NXPE2: variants seen among roughly 807,000 people sequenced by gnomAD.
NXPE2 encodes NXPE family member 2.
NXPE2 carries 34 observed loss-of-function variants against 34.4 expected under a neutral mutation model. The ratio of observed to expected loss-of-function variants is 0.99; its 90% CI spans 0.75 to 1.31. The LOEUF is 1.31. Ranked by LOEUF, NXPE2 falls within the 40% of genes most tolerant of loss-of-function variation. NXPE2 has a pLI of 0.00. For synonymous variants in NXPE2, 235 were observed against 231.3 expected (o/e 1.02, Z -0.15); for missense variants, 649 against 672.5 (o/e 0.97, Z 0.39).
the NXPE2 span, among the ~76,000 whole-genome samples, chr11:114,489,063 A>G: frequency 6.6e-6 from 1 of 152,258 alleles, no homozygotes; most frequent in Non-Finnish European, 1.5e-5. Flanking sequence ...AATTACCATC[A>G]GAGAATACTA....
intron 2 of NXPE2, among the ~76,000 whole-genome samples, chr11:114,682,275 C>T (rs539144880): frequency 6.6e-6 from 1 of 152,278 alleles, no homozygotes; most frequent in Non-Finnish European, 1.5e-5. Context: ...GGCCCACATG[C>T]TGGTCTCGCA....
the NXPE2 span, among the ~76,000 whole-genome samples, chr11:114,567,552 T>C: frequency 6.6e-6 from 1 of 151,992 alleles, no homozygotes; most frequent in East Asian, 1.9e-4. Flanking sequence ...CACATAGAGA[T>C]TCCTTTTATC....
chr11:114,584,403 G>A, the NXPE2 span: 20 of 280,562 alleles, frequency 7.1e-5, no homozygotes, highest in Middle Eastern at 1.2e-3. Flanking sequence ...AAATGCAGGT[G>A]ATTCTGAGGA....
chr11:114,529,946 G>T, the NXPE2 span: 13 of 493,094 alleles, frequency 2.6e-5, no homozygotes, highest in African/African-American at 2.3e-4. Flanking sequence ...GAACATCTGT[G>T]AACACATAGA....
At chr11:114,806,099 C>T in the NXPE2 span, among the ~76,000 whole-genome samples, 3 of 152,178 alleles carry the variant, frequency 2.0e-5, no homozygotes, top group African/African-American at 4.8e-5. Context: ...TGGAGTGGAC[C>T]TCTAGCAAAC....
At chr11:114,789,187 TA>T in the NXPE2 span, among the ~76,000 whole-genome samples, 1 of 152,206 alleles carries the variant, frequency 6.6e-6, no homozygotes, top group African/African-American at 2.4e-5. Flanking sequence ...TAAGTTTTCT[TA>T]CCACAAAAAA....
At chr11:114,580,413 C>T in the NXPE2 span, 1 of 1,232,972 alleles carries the variant, frequency 8.1e-7, no homozygotes, top group South Asian at 1.2e-5. Context: ...AGCCTTCTAT[C>T]CTCTAAGTAT....
the NXPE2 span, chr11:114,528,050 G>A: frequency 1.6e-5 from 9 of 567,044 alleles, no homozygotes; most frequent in East Asian, 2.7e-4. Context: ...ATTGGGTATT[G>A]TAAATGAGTG....
the NXPE2 span, among the ~76,000 whole-genome samples, chr11:114,760,307 C>T: frequency 6.6e-6 from 1 of 152,178 alleles, no homozygotes; most frequent in Non-Finnish European, 1.5e-5. Context: ...CTATGAGGAA[C>T]AGGCCTTCAC....
chr11:114,593,021 C>A, the NXPE2 span, among the ~76,000 whole-genome samples: 1 of 152,024 alleles, frequency 6.6e-6, no homozygotes, highest in Non-Finnish European at 1.5e-5. Context: ...ATACAAAACT[C>A]AGTTACAAAA....
chr11:114,798,257 A>G, the NXPE2 span, among the ~76,000 whole-genome samples: 1 of 152,210 alleles, frequency 6.6e-6, no homozygotes, highest in Non-Finnish European at 1.5e-5. Context: ...TCTGTCACCA[A>G]CAGGTAACAG....
the NXPE2 span, among the ~76,000 whole-genome samples, chr11:114,798,120 G>T: frequency 6.6e-6 from 1 of 152,062 alleles, no homozygotes; most frequent in Non-Finnish European, 1.5e-5. Context: ...AGAGAATACT[G>T]CTCTAACATA....
chr11:114,520,296 A>G, the NXPE2 span, among the ~76,000 whole-genome samples: 1 of 151,966 alleles, frequency 6.6e-6, no homozygotes, highest in Non-Finnish European at 1.5e-5. Flanking sequence ...CTACCATTCT[A>G]CCCTGTTTCT....
chr11:114,653,851 C>T, the NXPE2 span, among the ~76,000 whole-genome samples: 135 of 152,160 alleles, frequency 8.9e-4, no homozygotes, highest in Non-Finnish European at 1.4e-3. Context: ...TTTCTACCTA[C>T]CTCTAGAAAG....
chr11:114,689,064 A>C (rs781471705), intron 2 of NXPE2, among the ~76,000 whole-genome samples: 1 of 151,716 alleles, frequency 6.6e-6, no homozygotes, highest in Non-Finnish European at 1.5e-5. Flanking sequence ...GATCCTTTGT[A>C]TTTTTTATGG....
At chr11:114,808,721 A>T in the NXPE2 span, among the ~76,000 whole-genome samples, 3 of 151,884 alleles carry the variant, frequency 2.0e-5, no homozygotes, top group East Asian at 5.8e-4. Context: ...CACCAAAAAA[A>T]GTCCAGGACC....
At chr11:114,595,230 A>G in the NXPE2 span, among the ~76,000 whole-genome samples, 1 of 152,162 alleles carries the variant, frequency 6.6e-6, no homozygotes, top group Non-Finnish European at 1.5e-5. Context: ...ATCTATTAAT[A>G]TGTCCTCCTT....
At chr11:114,508,239 C>T in the NXPE2 span, among the ~76,000 whole-genome samples, 1 of 152,190 alleles carries the variant, frequency 6.6e-6, no homozygotes, top group Non-Finnish European at 1.5e-5. Context: ...TCAAAGAAAT[C>T]AGAGCTGACA....
chr11:114,725,976 A>AAAAAAAATATATATATATAT, the NXPE2 span, among the ~76,000 whole-genome samples: 2 of 101,768 alleles, frequency 2.0e-5, no homozygotes, highest in African/African-American at 6.8e-5. Flanking sequence ...ATAAAAAAAA[A>AAAAAAAATATATATATATAT]ATATATATAT....
Sources: allele counts gnomAD v4.1 joint callset (sites outside exome capture counted in the v4.1 genomes callset), GRCh38; gene constraint gnomAD v4.1.1; transcripts MANE v1.5; gene names NCBI Gene and HGNC (gene_info 2026-07-23, HGNC 2026-07-21).